Variants in PRELID2 observed in about 807,000 individuals in gnomAD.
The protein encoded by PRELID2 is PRELI domain-containing protein 2.
PRELID2 carries 25 observed loss-of-function variants against 28.4 expected under a neutral mutation model. That is an observed-to-expected ratio of 0.88 (90% CI 0.64 to 1.23). PRELID2 has a LOEUF of 1.23. Among genes scored for constraint, PRELID2 ranks in the 50% most tolerant of loss-of-function variants. The probability of loss-of-function intolerance (pLI) is 0.00; values close to 1 mark genes in which losing one functional copy is unlikely to be tolerated. For missense variants in PRELID2, 201 were observed against 214.4 expected, an observed-to-expected ratio of 0.94 and a Z score of 0.39; for synonymous variants, 76 against 71.6, an observed-to-expected ratio of 1.06 and a Z score of -0.31.
chr5:145,581,434 T>C (rs115717329), intron 1 of PRELID2, among the ~76,000 whole-genome samples: 1 of 152,218 alleles, frequency 6.6e-6, no homozygotes, highest in Non-Finnish European at 1.5e-5. Context: ...TCTTCATTCT[T>C]GGGACAGTTG....
chr5:145,770,040 A>G (rs1255711582), intron 5 of PRELID2, among the ~76,000 whole-genome samples: 1 of 152,248 alleles, frequency 6.6e-6, no homozygotes, highest in Non-Finnish European at 1.5e-5. Context: ...TAGCTGTCAT[A>G]GCCCAATACA....
At chr5:145,515,620 T>A (rs959785620) in intron 1 of PRELID2, among the ~76,000 whole-genome samples, 5 of 151,980 alleles carry the variant, frequency 3.3e-5, no homozygotes, top group Non-Finnish European at 7.4e-5. Context: ...GAAAAAGAGG[T>A]GATTCTTCCT....
intron 1 of PRELID2, among the ~76,000 whole-genome samples, chr5:145,620,014 A>G (rs1473416408): frequency 6.6e-6 from 1 of 152,220 alleles, no homozygotes; most frequent in Admixed American, 6.5e-5. Context: ...ATTGTAAATT[A>G]TTTTAGGCTC....
exon 3 of PRELID2, chr5:145,471,806 C>G (rs180772314): frequency 6.6e-6 from 1 of 152,154 alleles, no homozygotes; most frequent in East Asian, 1.9e-4. Flanking sequence ...TCAACATAAT[C>G]CAACTTAGGC....
At chr5:145,751,601 A>G (rs1270067966), downstream of PRELID2, among the ~76,000 whole-genome samples, 1 of 152,186 alleles carries the variant, frequency 6.6e-6, no homozygotes, top group Non-Finnish European at 1.5e-5. Context: ...ATCCATTCCA[A>G]TTTTACTTTC....
chr5:145,310,090 A>C, the PRELID2 span, among the ~76,000 whole-genome samples: 1 of 152,246 alleles, frequency 6.6e-6, no homozygotes, highest in Non-Finnish European at 1.5e-5. Context: ...TTACCTGAGA[A>C]AATGAAGACC....
At chr5:145,283,440 T>A in the PRELID2 span, among the ~76,000 whole-genome samples, 1 of 152,220 alleles carries the variant, frequency 6.6e-6, no homozygotes, top group Non-Finnish European at 1.5e-5. Flanking sequence ...GTTCTCTAAG[T>A]GGATGTTTAT....
At chr5:145,817,548 T>C (rs1220696221) in intron 4 of PRELID2, among the ~76,000 whole-genome samples, 1 of 150,116 alleles carries the variant, frequency 6.7e-6, no homozygotes, top group Non-Finnish European at 1.5e-5. Context: ...TTAAAATATA[T>C]ACAAAACCAT....
chr5:145,336,186 T>A, the PRELID2 span, among the ~76,000 whole-genome samples: 1 of 152,216 alleles, frequency 6.6e-6, no homozygotes, highest in Non-Finnish European at 1.5e-5. Flanking sequence ...CTTTGTCAGA[T>A]GAGTAGGTTG....
the PRELID2 span, among the ~76,000 whole-genome samples, chr5:145,405,884 T>C: frequency 1.3e-5 from 2 of 151,898 alleles, no homozygotes; most frequent in Non-Finnish European, 2.9e-5. Context: ...TTTTTGTATT[T>C]TTAGTAGAGA....
chr5:145,463,588 G>A, the PRELID2 span, among the ~76,000 whole-genome samples: 1 of 152,042 alleles, frequency 6.6e-6, no homozygotes, highest in African/African-American at 2.4e-5. Context: ...TTCATAACGG[G>A]AAGGACTCTG....
downstream of PRELID2, among the ~76,000 whole-genome samples, chr5:145,753,910 TA>T (rs1313426728): frequency 6.6e-6 from 1 of 152,160 alleles, no homozygotes; most frequent in Non-Finnish European, 1.5e-5. Flanking sequence ...TTGCCATTCT[TA>T]GGACTCTCCC....
chr5:145,352,361 C>T, the PRELID2 span, among the ~76,000 whole-genome samples: 1 of 152,212 alleles, frequency 6.6e-6, no homozygotes, highest in East Asian at 1.9e-4. Context: ...AACATGTAAG[C>T]CACAAAGGCT....
At chr5:145,407,795 C>T in the PRELID2 span, among the ~76,000 whole-genome samples, 1 of 152,162 alleles carries the variant, frequency 6.6e-6, no homozygotes, top group Non-Finnish European at 1.5e-5. Context: ...AACCAGACGT[C>T]CTGAGTCTGT....
intron 1 of PRELID2, among the ~76,000 whole-genome samples, chr5:145,595,161 GACACACACACACAC>G (rs3038287): frequency 7.6e-5 from 10 of 131,248 alleles, no homozygotes; most frequent in South Asian, 2.6e-4. Flanking sequence ...AGTCATAATA[GACACACACACACAC>G]ACACACACAC....
At chr5:145,489,920 T>C (rs1752251876) in intron 1 of PRELID2, among the ~76,000 whole-genome samples, 1 of 152,234 alleles carries the variant, frequency 6.6e-6, no homozygotes, top group Non-Finnish European at 1.5e-5. Flanking sequence ...AAAAAAATTA[T>C]CCATTATTTC....
chr5:145,765,001 C>A lies in PRELID2; in HGVS notation c.475-1G>T. 6.3e-7 allele frequency: 1 copy of A among 1,593,794 alleles called. No individual in the cohort carries two copies. Among genetic ancestry groups the A allele is most frequent in the Non-Finnish European group, 8.5e-7 (1 of 1,171,494 alleles). The stretch of plus-strand genomic sequence containing the variant: ...GCAGCATCTCCATGATTCTAATTCC[C>A]TATAGAAAGAAGGAAAAAAAATTAA... On this transcript the variant is annotated splice_acceptor_variant, in intron 5 of 6. Coordinates refer to ENST00000683046, the MANE Select transcript of PRELID2 (RefSeq NM_205846.3). LOFTEE classifies it high-confidence loss of function.
At chr5:145,336,592 GGC>G in the PRELID2 span, among the ~76,000 whole-genome samples, 3 of 152,104 alleles carry the variant, frequency 2.0e-5, no homozygotes, top group East Asian at 3.9e-4. Flanking sequence ...GTAGATATGT[GGC>G]GTTATTTCTG....
chr5:145,277,046 G>A, the PRELID2 span, among the ~76,000 whole-genome samples: 6 of 152,150 alleles, frequency 3.9e-5, no homozygotes, highest in Non-Finnish European at 8.8e-5. Context: ...ATGCCACAGA[G>A]TAGAAAAATC....
Sources: allele counts gnomAD v4.1 joint callset (sites outside exome capture counted in the v4.1 genomes callset), GRCh38; gene constraint gnomAD v4.1.1; transcripts MANE v1.5; gene names NCBI Gene and HGNC (gene_info 2026-07-23, HGNC 2026-07-21).